Variants in IQSEC1 observed in about 807,000 individuals in gnomAD.
IQSEC1 encodes the protein IQ motif and SEC7 domain-containing protein 1.
A neutral mutation model predicts 91.0 loss-of-function variants in IQSEC1; 31 were observed. The ratio of observed to expected loss-of-function variants is 0.34; its 90% CI spans 0.26 to 0.46. The LOEUF (loss-of-function observed/expected upper bound fraction) is 0.46, where lower values mean the gene tolerates loss of function less well. Among genes scored for constraint, IQSEC1 ranks in the 20% least tolerant of loss-of-function variants. IQSEC1 has a pLI of 1.00. For missense variants in IQSEC1, 1,388 were observed against 1,575.6 expected (o/e 0.88, Z 2.02); for synonymous variants, 699 against 662.6 (o/e 1.05, Z -0.84).
chr3:13,020,205 G>A (rs1703335728), intron 1 of IQSEC1, among the ~76,000 whole-genome samples: 1 of 152,206 alleles, frequency 6.6e-6, no homozygotes, highest in South Asian at 2.1e-4. Context: ...CCCGCTGCCT[G>A]GCCCAGCTCC....
chr3:12,981,598 A>G (rs1237223692), intron 1 of IQSEC1, among the ~76,000 whole-genome samples: 1 of 152,254 alleles, frequency 6.6e-6, no homozygotes, highest in South Asian at 2.1e-4. Context: ...CCATGTAAAT[A>G]AACATGTTAG....
At chr3:13,077,251 G>A (rs531943801), upstream of IQSEC1, among the ~76,000 whole-genome samples, 6 of 152,162 alleles carry the variant, frequency 3.9e-5, no homozygotes, top group African/African-American at 9.6e-5. Flanking sequence ...GATGAATACC[G>A]TGAACTCTGA....
intron 1 of IQSEC1, among the ~76,000 whole-genome samples, chr3:13,176,430 C>T (rs1167276914): frequency 6.6e-6 from 1 of 152,228 alleles, no homozygotes; most frequent in Non-Finnish European, 1.5e-5. Context: ...CACCCTTACC[C>T]CTAGCCTGAC....
intron 2 of IQSEC1, among the ~76,000 whole-genome samples, chr3:13,097,972 A>G (rs1448527880): frequency 1.3e-5 from 2 of 152,216 alleles, no homozygotes; most frequent in East Asian, 3.8e-4. Flanking sequence ...GCCTCAGCCC[A>G]CTGTGCCCTG....
chr3:12,961,585 C>A (rs993318289), intron 1 of IQSEC1, among the ~76,000 whole-genome samples: 6 of 152,192 alleles, frequency 3.9e-5, no homozygotes, highest in Non-Finnish European at 8.8e-5. Flanking sequence ...CCCCTCACCA[C>A]TATCTCTCTG....
chr3:13,198,331 T>C (rs756942426), intron 1 of IQSEC1, among the ~76,000 whole-genome samples: 2 of 151,986 alleles, frequency 1.3e-5, no homozygotes, highest in Non-Finnish European at 2.9e-5. Context: ...TAAAGAGTAA[T>C]TCTGAAGCTT....
chr3:13,169,413 G>C (rs1213783868), intron 1 of IQSEC1, among the ~76,000 whole-genome samples: 1 of 152,164 alleles, frequency 6.6e-6, no homozygotes, highest in African/African-American at 2.4e-5. Flanking sequence ...TCAGCAGTGT[G>C]AAAATGGACT....
chr3:12,920,877 C>T (rs1050327760), intron 5 of IQSEC1, among the ~76,000 whole-genome samples: 10 of 152,184 alleles, frequency 6.6e-5, no homozygotes, highest in Admixed American at 6.5e-4. Context: ...ACATTCAGCC[C>T]ATGGGATGTG....
At chr3:13,262,777 G>A (rs890513225) in intron 1 of IQSEC1, among the ~76,000 whole-genome samples, 1 of 152,222 alleles carries the variant, frequency 6.6e-6, no homozygotes, top group Non-Finnish European at 1.5e-5. Context: ...GGTGAACTTG[G>A]AGGACATTGT....
At chr3:13,071,968 G>A (rs576689700) in intron 1 of IQSEC1, among the ~76,000 whole-genome samples, 1 of 152,370 alleles carries the variant, frequency 6.6e-6, no homozygotes, top group African/African-American at 2.4e-5. Flanking sequence ...GTGACGGGGA[G>A]CTGCCACTCT....
chr3:13,158,727 C>A (rs373038539), intron 2 of IQSEC1, among the ~76,000 whole-genome samples: 27 of 152,050 alleles, frequency 1.8e-4, no homozygotes, highest in Non-Finnish European at 3.2e-4. Context: ...TTTAGGAGTC[C>A]GAGACAGGCA....
At chr3:13,167,357 A>T (rs560241853) in intron 1 of IQSEC1, among the ~76,000 whole-genome samples, 150 of 152,292 alleles carry the variant, frequency 9.8e-4, no homozygotes, top group Middle Eastern at 3.4e-3. Context: ...GCTGCCCAGC[A>T]CCTCACTATA....
intron 1 of IQSEC1, among the ~76,000 whole-genome samples, chr3:13,177,626 C>T (rs1693760656): frequency 1.3e-5 from 2 of 152,198 alleles, no homozygotes; most frequent in African/African-American, 4.8e-5. Context: ...TTTTGTGTGG[C>T]CCCTGGGGGA....
intron 1 of IQSEC1, chr3:12,987,092 C>T (rs907192531): frequency 1.1e-5 from 4 of 357,200 alleles, no homozygotes; most frequent in Admixed American, 3.5e-5. Context: ...TCTGGTGCTG[C>T]GGCCAGTGCG....
intron 1 of IQSEC1, chr3:13,021,943 C>T (rs1384106977): frequency 3.4e-6 from 3 of 894,562 alleles, no homozygotes; most frequent in Non-Finnish European, 4.4e-6. Flanking sequence ...CCCTCCATCC[C>T]AGCTCCTTCC....
intron 2 of IQSEC1, among the ~76,000 whole-genome samples, chr3:13,139,184 C>T (rs1035174128): frequency 7.2e-5 from 11 of 152,300 alleles, no homozygotes; most frequent in Non-Finnish European, 1.2e-4. Context: ...TCAAGGGCCT[C>T]GTGGGCTAAG....
At chr3:13,132,633 A>G (rs1012605846) in intron 2 of IQSEC1, among the ~76,000 whole-genome samples, 1 of 152,164 alleles carries the variant, frequency 6.6e-6, no homozygotes, top group African/African-American at 2.4e-5. Context: ...CACTCCCCTA[A>G]GGCAGATGCT....
intron 1 of IQSEC1, among the ~76,000 whole-genome samples, chr3:13,065,715 C>T (rs1705208394): frequency 6.6e-6 from 1 of 152,146 alleles, no homozygotes; most frequent in South Asian, 2.1e-4. Context: ...ACAATCTGAC[C>T]CAGCAATCCC....
chr3:13,123,884 G>A (rs1341411993), intron 2 of IQSEC1, among the ~76,000 whole-genome samples: 1 of 152,254 alleles, frequency 6.6e-6, no homozygotes, highest in Non-Finnish European at 1.5e-5. Context: ...ATGTGGATCA[G>A]GGGTCTGCAA....
Sources: allele counts gnomAD v4.1 joint callset (sites outside exome capture counted in the v4.1 genomes callset), GRCh38; gene constraint gnomAD v4.1.1; transcripts MANE v1.5; gene names NCBI Gene and HGNC (gene_info 2026-07-23, HGNC 2026-07-21).